The following MIGA1 variants were observed in gnomAD, a reference collection of about 807,000 sequenced individuals.
MIGA1 encodes mitoguardin 1.
Under a neutral mutation model 82.0 loss-of-function variants are expected in MIGA1, and 58 were observed. The ratio of observed to expected loss-of-function variants is 0.71; its 90% CI spans 0.57 to 0.88. The LOEUF (loss-of-function observed/expected upper bound fraction) is 0.88. Among genes scored for constraint, MIGA1 ranks in the 40% least tolerant of loss-of-function variants. The pLI is 0.00. For synonymous variants in MIGA1, 249 were observed against 253.6 expected, an observed-to-expected ratio of 0.98 and a Z score of 0.17; for missense variants, 751 against 749.1, an observed-to-expected ratio of 1.00 and a Z score of -0.03.
intron 7 of MIGA1, among the ~76,000 whole-genome samples, chr1:77,820,197 C>G (rs563491447): frequency 6.5e-4 from 96 of 147,100 alleles, no homozygotes; most frequent in African/African-American, 2.3e-3. Context: ...CTCAGGCTTT[C>G]TAGGCAGATT....
chr1:77,844,854 T>C (rs1684777861), intron 8 of MIGA1, among the ~76,000 whole-genome samples: 1 of 152,238 alleles, frequency 6.6e-6, no homozygotes, highest in East Asian at 1.9e-4. Flanking sequence ...TGGTGGTGCA[T>C]GCCTGTAATC....
At chr1:77,874,729 C>T in intron 15 of MIGA1, 117 bp from the exon 16 acceptor site, 1 of 686,164 alleles carries the variant, frequency 1.5e-6, no homozygotes, top group Non-Finnish European at 2.5e-6. Context: ...AGATATGAAA[C>T]TAGCACTGGA....
intron 2 of MIGA1, among the ~76,000 whole-genome samples, chr1:77,784,372 G>T (rs749040487): frequency 3.9e-5 from 6 of 152,036 alleles, no homozygotes. Context: ...CTACAGGCAT[G>T]TGCCACCATC....
chr1:77,809,960 A>G (rs1201751882), intron 5 of MIGA1, among the ~76,000 whole-genome samples: 3 of 152,108 alleles, frequency 2.0e-5, no homozygotes, highest in Non-Finnish European at 2.9e-5. Flanking sequence ...AAGAAGAGGT[A>G]TGCAGGTTTT....
intron 5 of MIGA1, among the ~76,000 whole-genome samples, chr1:77,808,128 CTCTT>C (rs1318860013): frequency 2.0e-5 from 3 of 147,052 alleles, no homozygotes; most frequent in African/African-American, 2.5e-5. Flanking sequence ...CCACCTTTCT[CTCTT>C]TTTTTTTTTT....
At chr1:77,781,350 A>G (rs1681907398) in intron 1 of MIGA1, among the ~76,000 whole-genome samples, 1 of 152,244 alleles carries the variant, frequency 6.6e-6, no homozygotes, top group Non-Finnish European at 1.5e-5. Flanking sequence ...CGTTTTTTAA[A>G]TGCAGTAGCA....
chr1:77,794,892 G>A (rs777960906), intron 2 of MIGA1, among the ~76,000 whole-genome samples: 1 of 152,106 alleles, frequency 6.6e-6, no homozygotes, highest in African/African-American at 2.4e-5. Context: ...TAAATAAGAA[G>A]TTTGGAGGTA....
intron 1 of MIGA1, among the ~76,000 whole-genome samples, chr1:77,781,431 G>A (rs1018920171): frequency 9.2e-5 from 14 of 152,122 alleles, no homozygotes; most frequent in Non-Finnish European, 1.5e-4. Context: ...AATATTTAGG[G>A]AGGGGGAAGA....
intron 1 of MIGA1, chr1:77,782,904 C>G: frequency 1.0e-6 from 1 of 970,614 alleles, no homozygotes. Flanking sequence ...AAATTACTCC[C>G]TAAAAAGTGT....
At chr1:77,811,446 A>T in intron 5 of MIGA1, 2 of 1,550,726 alleles carry the variant, frequency 1.3e-6, no homozygotes, top group Non-Finnish European at 1.8e-6. Context: ...GGACAGGCTG[A>T]ACATCAAATG....
chr1:77,786,916 A>G (rs1321364815), intron 2 of MIGA1, among the ~76,000 whole-genome samples: 7 of 152,138 alleles, frequency 4.6e-5, no homozygotes, highest in Non-Finnish European at 8.8e-5. Context: ...ACTGGTACCA[A>G]TTTACTGTAT....
rs552666041 is a variant in MIGA1, at chr1:77,878,265, A to G, written c.*3201A>G. 6.6e-6 allele frequency: 1 copy of G among 152,078 alleles called. No individual in the cohort carries two copies. The highest frequency in any genetic ancestry group is 1.9e-4 in the East Asian group (1 of 5,166). The allele number at this position is 152,078 out of a possible 1,614,324, so 9.4% of individuals were successfully genotyped here. A position where few individuals can be genotyped will look rare whatever the true frequency, so the allele number is the denominator to read the frequency against. On this transcript the variant is annotated 3_prime_UTR_variant, in exon 16 of 16. Transcript: ENST00000370791. ...AAAAATTAGCCAGGCATGGTGGCGC[A>G]TGCCTGTAATCCCAGCTACTCGAGA...
chr1:77,872,671 A>G (rs1339679277), intron 14 of MIGA1, among the ~76,000 whole-genome samples: 4 of 152,222 alleles, frequency 2.6e-5, no homozygotes, highest in African/African-American at 9.7e-5. Flanking sequence ...TATGAAATCT[A>G]CATAAAACAT....
intron 11 of MIGA1, 127 bp from the exon 12 acceptor site, chr1:77,861,097 C>A (rs1685438581): frequency 3.3e-6 from 2 of 607,322 alleles, no homozygotes; most frequent in Admixed American, 3.4e-5. Flanking sequence ...ATTTGGCATA[C>A]CTTTAAAATG....
chr1:77,844,858 T>C (rs947224212), intron 8 of MIGA1, among the ~76,000 whole-genome samples: 2 of 152,176 alleles, frequency 1.3e-5, no homozygotes, highest in Non-Finnish European at 2.9e-5. Context: ...GGTGCATGCC[T>C]GTAATCACAG....
intron 4 of MIGA1, among the ~76,000 whole-genome samples, chr1:77,806,422 G>T (rs1453602294): frequency 6.6e-6 from 1 of 152,166 alleles, no homozygotes. Context: ...CACCTAAAAG[G>T]CAAATGAAAA....
chr1:77,794,723 G>A (rs1389047212), intron 2 of MIGA1, among the ~76,000 whole-genome samples: 3 of 152,128 alleles, frequency 2.0e-5, no homozygotes, highest in African/African-American at 7.2e-5. Flanking sequence ...GATCGCTTGA[G>A]CCCTGGAGTT....
chr1:77,790,029 A>C (rs1365943061), intron 2 of MIGA1, among the ~76,000 whole-genome samples: 1 of 152,182 alleles, frequency 6.6e-6, no homozygotes, highest in Non-Finnish European at 1.5e-5. Context: ...TTATAGATTC[A>C]TAGGAAGTTG....
At chr1:77,842,571 G>A (rs888182664) in intron 7 of MIGA1, among the ~76,000 whole-genome samples, 22 of 152,038 alleles carry the variant, frequency 1.4e-4, no homozygotes, top group African/African-American at 4.6e-4. Context: ...GTTTTGAGAC[G>A]GAGCCTTGAT....
Sources: allele counts gnomAD v4.1 joint callset (sites outside exome capture counted in the v4.1 genomes callset), GRCh38; gene constraint gnomAD v4.1.1; transcripts MANE v1.5; gene names NCBI Gene and HGNC (gene_info 2026-07-23, HGNC 2026-07-21).